The following IL33 variants were observed in gnomAD, a reference collection of about 807,000 sequenced individuals.
IL33 encodes interleukin 33.
A neutral mutation model predicts 27.3 loss-of-function variants in IL33; 37 were observed. The ratio of observed to expected loss-of-function variants is 1.36; its 90% CI spans 1.04 to 1.78. The LOEUF (loss-of-function observed/expected upper bound fraction) is 1.78. IL33 is among the 40% of genes most tolerant of loss of function. IL33 has a pLI of 0.00. For synonymous variants in IL33, 132 were observed against 102.9 expected (o/e 1.28, Z -1.71); for missense variants, 406 against 311.4 (o/e 1.30, Z -2.29).
At chr9:6,220,478 T>C (rs1324974814) in intron 1 of IL33, among the ~76,000 whole-genome samples, 1 of 152,224 alleles carries the variant, frequency 6.6e-6, no homozygotes, top group Non-Finnish European at 1.5e-5. Context: ...TTACTGGCAA[T>C]TGTTTAAGAA....
At position 6,235,082 on chromosome 9, in the gene IL33, G is replaced by A. The variant is rs1200570500; in HGVS notation, c.-11-6602G>A. On this transcript the variant is annotated intron_variant, in intron 1 of 7. Transcript: ENST00000682010. ...TTTGGTGACAAGAGTCTCACTCTGT[G>A]GTCCAGACTGGAGTATAGTGCTATC... is the stretch of plus-strand genomic sequence containing the variant. 5.3e-5 allele frequency among the ~76,000 whole-genome samples: 8 copies of A among 152,072 alleles called. No homozygotes were observed. In the East Asian group the frequency reaches 1.5e-3, roughly 29 times the overall value.
intron 1 of IL33, among the ~76,000 whole-genome samples, chr9:6,236,523 T>G (rs902099071): frequency 6.6e-5 from 10 of 152,224 alleles, no homozygotes; most frequent in African/African-American, 2.4e-4. Flanking sequence ...AGAGCCTATA[T>G]TGCAAAGATT....
intron 1 of IL33, among the ~76,000 whole-genome samples, chr9:6,222,951 A>C (rs570982433): frequency 3.1e-4 from 47 of 152,298 alleles, no homozygotes; most frequent in Middle Eastern, 3.4e-3. Context: ...ATAAACTAAT[A>C]TGTGGAACGC....
intron 1 of IL33, among the ~76,000 whole-genome samples, chr9:6,241,462 A>C (rs1462820134): frequency 6.6e-6 from 1 of 152,194 alleles, no homozygotes; most frequent in East Asian, 1.9e-4. Flanking sequence ...TTGTGAGACC[A>C]CCATTGTATA....
intron 6 of IL33, among the ~76,000 whole-genome samples, chr9:6,253,874 G>A (rs1401481283): frequency 1.3e-5 from 2 of 152,210 alleles, no homozygotes. Context: ...AGCCAGGGCT[G>A]CAATGGCTCA....
intron 1 of IL33, among the ~76,000 whole-genome samples, chr9:6,234,224 T>C (rs1466427052): frequency 6.6e-6 from 1 of 152,200 alleles, no homozygotes; most frequent in Admixed American, 6.5e-5. Flanking sequence ...CCTTCACAAA[T>C]GAAGAGCAAA....
intron 7 of IL33, 57 bp downstream of exon 7, chr9:6,254,610 G>A: frequency 9.8e-7 from 1 of 1,017,984 alleles, no homozygotes; most frequent in Non-Finnish European, 1.4e-6. Flanking sequence ...TGTCATGAAT[G>A]ACTCCACCAA....
chr9:6,238,817 C>T (rs939422560), intron 1 of IL33, among the ~76,000 whole-genome samples: 57 of 152,118 alleles, frequency 3.7e-4, no homozygotes, highest in African/African-American at 1.3e-3. Context: ...AAGTCCTGCT[C>T]CCTCCACAAA....
intron 1 of IL33, among the ~76,000 whole-genome samples, chr9:6,216,504 G>A (rs1394105734): frequency 1.3e-5 from 2 of 152,180 alleles, no homozygotes; most frequent in African/African-American, 4.8e-5. Context: ...GGAGGCCGAG[G>A]TGGGTGAATC....
At chr9:6,222,770 A>C (rs1818465866) in intron 1 of IL33, among the ~76,000 whole-genome samples, 2 of 152,142 alleles carry the variant, frequency 1.3e-5, no homozygotes, top group Non-Finnish European at 2.9e-5. Flanking sequence ...TTCAGGCAGC[A>C]ATTTCTTTTT....
chr9:6,228,511 G>T (rs554498343), intron 1 of IL33, among the ~76,000 whole-genome samples: 4 of 145,312 alleles, frequency 2.8e-5, no homozygotes, highest in South Asian at 2.2e-4. Context: ...GTTCCATGTT[G>T]TTTTTTTTTT....
At chr9:6,223,676 A>C (rs1332811227) in intron 1 of IL33, among the ~76,000 whole-genome samples, 2 of 152,178 alleles carry the variant, frequency 1.3e-5, no homozygotes, top group African/African-American at 4.8e-5. Context: ...GATTTAGAAA[A>C]AGTCAATGCA....
chr9:6,256,292 G>C lies in IL33; in HGVS notation c.*124G>C. ...GAAGAGTGCTTAGCATGTGTGGAAT[G>C]TTTTCCATATTATGTATAAAAATAT... On this transcript the variant is annotated 3_prime_UTR_variant, in exon 8 of 8. Coordinates refer to ENST00000682010, the MANE Select transcript of IL33 (RefSeq NM_033439.4). The C allele has an allele frequency of 1.5e-6, 1 of 657,828 alleles. No homozygotes were observed. The highest frequency in any genetic ancestry group is 1.8e-5 in the African/African-American group (1 of 54,794). The allele number at this position is 657,828 out of a possible 1,614,324, so 40.7% of individuals were successfully genotyped here. A position where few individuals can be genotyped will look rare whatever the true frequency, so the allele number is the denominator to read the frequency against.
intron 1 of IL33, among the ~76,000 whole-genome samples, chr9:6,219,886 T>A (rs1434785639): frequency 6.6e-6 from 1 of 152,148 alleles, no homozygotes; most frequent in Non-Finnish European, 1.5e-5. Context: ...AGTCAGTAAA[T>A]TTCAGATCAG....
chr9:6,250,700 CT>C, intron 3 of IL33, 101 bp downstream of exon 3: 1 of 1,373,018 alleles, frequency 7.3e-7, no homozygotes, highest in Non-Finnish European at 9.7e-7. Flanking sequence ...TCCAAGGTTC[CT>C]TTTGGAAAAT....
intron 4 of IL33, among the ~76,000 whole-genome samples, chr9:6,252,482 T>C (rs1816460834): frequency 6.6e-6 from 1 of 152,310 alleles, no homozygotes; most frequent in South Asian, 2.1e-4. Flanking sequence ...CTCCATACTT[T>C]ATAGATGAAC....
intron 1 of IL33, among the ~76,000 whole-genome samples, chr9:6,220,194 C>T (rs906837472): frequency 6.6e-6 from 1 of 152,176 alleles, no homozygotes; most frequent in African/African-American, 2.4e-5. Flanking sequence ...CACCCACAAA[C>T]TTGGCTGAGC....
chr9:6,228,040 G>T (rs940648620), intron 1 of IL33, among the ~76,000 whole-genome samples: 1 of 152,060 alleles, frequency 6.6e-6, no homozygotes, highest in African/African-American at 2.4e-5. Context: ...TATAAAAGAG[G>T]GATAATAATA....
chr9:6,250,724 G>T, intron 3 of IL33, 125 bp downstream of exon 3: 3 of 1,124,094 alleles, frequency 2.7e-6, no homozygotes, highest in South Asian at 4.2e-5. Flanking sequence ...TAAGAATGAT[G>T]AACTGGTTTT....
Sources: allele counts gnomAD v4.1 joint callset (sites outside exome capture counted in the v4.1 genomes callset), GRCh38; gene constraint gnomAD v4.1.1; transcripts MANE v1.5; gene names NCBI Gene and HGNC (gene_info 2026-07-23, HGNC 2026-07-21).